MAP3K7CL: variants seen among roughly 807,000 people sequenced by gnomAD.
MAP3K7CL encodes the protein MAP3K7 C-terminal like, also known as MAP3K7 C-terminal-like protein.
MAP3K7CL carries 16 observed loss-of-function variants against 18.6 expected under a neutral mutation model. The ratio of observed to expected loss-of-function variants is 0.86; its 90% CI spans 0.58 to 1.31. The LOEUF (loss-of-function observed/expected upper bound fraction) is 1.31, where lower values mean the gene tolerates loss of function less well. Ranked by LOEUF, MAP3K7CL falls within the 50% of genes most tolerant of loss-of-function variation. The probability of loss-of-function intolerance (pLI) is 0.00; values close to 1 mark genes in which losing one functional copy is unlikely to be tolerated. For synonymous variants in MAP3K7CL, 65 were observed against 66.8 expected, an observed-to-expected ratio of 0.97 and a Z score of 0.13; for missense variants, 163 against 174.4, an observed-to-expected ratio of 0.93 and a Z score of 0.37.
intron 3 of MAP3K7CL, 90 bp from the exon 4 acceptor site, chr21:29,159,851 C>T: frequency 2.2e-6 from 2 of 922,096 alleles, no homozygotes; most frequent in Non-Finnish European, 3.4e-6. Context: ...GAAGAAAAAA[C>T]CTTCGTTTAA....
chr21:29,174,562 C>T (rs1489015392), intron 4 of MAP3K7CL, 150 bp from the exon 5 acceptor site: 4 of 945,532 alleles, frequency 4.2e-6, no homozygotes, highest in Non-Finnish European at 6.2e-6. Context: ...CAAAGCTGGA[C>T]AAATAAAAGT....
intron 2 of MAP3K7CL, among the ~76,000 whole-genome samples, chr21:29,133,819 G>A (rs1206479233): frequency 1.3e-5 from 2 of 152,218 alleles, no homozygotes; most frequent in Non-Finnish European, 2.9e-5. Context: ...TTGCTGAAGC[G>A]TAAGTTAGAA....
At chr21:29,154,956 G>A (rs2087364243) in intron 3 of MAP3K7CL, among the ~76,000 whole-genome samples, 1 of 152,096 alleles carries the variant, frequency 6.6e-6, no homozygotes, top group Admixed American at 6.5e-5. Context: ...CTACTCTTGT[G>A]TTCTTTCTCC....
intron 4 of MAP3K7CL, among the ~76,000 whole-genome samples, chr21:29,100,494 A>G (rs2146528320): frequency 6.6e-6 from 1 of 152,308 alleles, no homozygotes; most frequent in South Asian, 2.1e-4. Flanking sequence ...TTTAACTTCC[A>G]GTGCTGTCAT....
At chr21:29,132,426 T>C (rs1462884843) in intron 1 of MAP3K7CL, among the ~76,000 whole-genome samples, 1 of 152,208 alleles carries the variant, frequency 6.6e-6, no homozygotes, top group Non-Finnish European at 1.5e-5. Flanking sequence ...AAATGTTTGG[T>C]AGACTTACAG....
chr21:29,150,926 C>T (rs540107870), intron 3 of MAP3K7CL, among the ~76,000 whole-genome samples: 3 of 151,772 alleles, frequency 2.0e-5, no homozygotes, highest in Non-Finnish European at 2.9e-5. Context: ...TGTGCCACCA[C>T]GCCCGGATAA....
chr21:29,163,535 C>T lies in MAP3K7CL; in HGVS notation c.248+3479C>T, dbSNP rs932139944. On this transcript the variant is annotated intron_variant, in intron 4 of 4. Transcript: ENST00000399928. ...CAGTTCTTGGCATAGATTTCAAGAC[C>T]TCCCTGGGGATGCCTTGGAACCTCT... is the stretch of plus-strand genomic sequence containing the variant. 1.8e-4 allele frequency among the ~76,000 whole-genome samples: 27 copies of T among 152,174 alleles called. No individual in the cohort carries two copies. In the Middle Eastern group the frequency reaches 0.014, roughly 77 times the overall value.
At chr21:29,091,497 A>G in intron 1 of MAP3K7CL, 1 of 686,040 alleles carries the variant, frequency 1.5e-6, no homozygotes, top group African/African-American at 1.8e-5. Context: ...TTTTTTCAAT[A>G]CAGCCCCTTG....
intron 1 of MAP3K7CL, among the ~76,000 whole-genome samples, chr21:29,088,492 T>C (rs2085964807): frequency 6.6e-6 from 1 of 152,274 alleles, no homozygotes; most frequent in African/African-American, 2.4e-5. Context: ...TAAGTTATTT[T>C]ACACACTGCA....
Position 29,159,968 on chromosome 21 carries a change from G to A in MAP3K7CL, c.160G>A (p.Glu54Lys). ...CCTGCCGCCTTGTCATGACTCCGAG[G>A]AATCCATGGAGGTGTTCAAACAGCA... ...QPLPPCHDSE[E>K]SMEVFKQHCQ... The change falls in exon 4 of 5, where the codon GAA (glutamate) becomes AAA (lysine). Residue 54 changes from glutamate to lysine, a missense_variant. Transcript: ENST00000399928. 6.2e-7 allele frequency: 1 copy of A among 1,613,892 alleles called. No homozygotes were observed. Among genetic ancestry groups the A allele is most frequent in the Non-Finnish European group, 8.5e-7 (1 of 1,179,860 alleles).
intron 4 of MAP3K7CL, among the ~76,000 whole-genome samples, chr21:29,122,986 A>G (rs1276084829): frequency 6.6e-6 from 1 of 151,140 alleles, no homozygotes; most frequent in Non-Finnish European, 1.5e-5. Flanking sequence ...AAAAGATTAT[A>G]TATAGTTTTA....
intron 2 of MAP3K7CL, among the ~76,000 whole-genome samples, chr21:29,140,106 A>C (rs906794498): frequency 3.9e-5 from 6 of 152,156 alleles, no homozygotes; most frequent in African/African-American, 1.4e-4. Flanking sequence ...GACAACATTC[A>C]GTCACAAGTG....
chr21:29,155,373 A>G (rs1483605296), intron 3 of MAP3K7CL, among the ~76,000 whole-genome samples: 1 of 152,164 alleles, frequency 6.6e-6, no homozygotes, highest in African/African-American at 2.4e-5. Context: ...TTAAATTCTG[A>G]CATTTTTGAA....
intron 3 of MAP3K7CL, among the ~76,000 whole-genome samples, chr21:29,154,259 C>T (rs1207622068): frequency 6.6e-6 from 1 of 152,050 alleles, no homozygotes; most frequent in Non-Finnish European, 1.5e-5. Flanking sequence ...GAATGAAATA[C>T]TTAAGAATAA....
intron 4 of MAP3K7CL, among the ~76,000 whole-genome samples, chr21:29,112,849 G>A (rs2086442955): frequency 6.6e-6 from 1 of 150,426 alleles, no homozygotes; most frequent in Admixed American, 6.6e-5. Flanking sequence ...TTGAGATGGA[G>A]TCTCACTCTG....
At chr21:29,084,867 A>G (rs2085896986), upstream of MAP3K7CL, among the ~76,000 whole-genome samples, 1 of 152,260 alleles carries the variant, frequency 6.6e-6, no homozygotes, top group Admixed American at 6.5e-5. Flanking sequence ...GCAATTAGAA[A>G]TTAACTTTCT....
chr21:29,133,291 C>T lies in MAP3K7CL; in HGVS notation c.-39-15C>T, dbSNP rs1036268494. On this transcript the variant is annotated splice_polypyrimidine_tract_variant and intron_variant, in intron 1 of 4. Coordinates refer to ENST00000399928, the MANE Select transcript of MAP3K7CL (RefSeq NM_001286620.2). ...TGCTGGATAAAGTGACAATGGCTCT[C>T]TCTTGCTGTCACAGCTGGAAGACCC... 14 of 1,543,720 alleles carry T rather than the reference C, an allele frequency of 9.1e-6. No individual in the cohort carries two copies. Among genetic ancestry groups the T allele is most frequent in the Middle Eastern group, 1.7e-4 (1 of 5,996 alleles).
At chr21:29,095,566 T>G (rs931351526) in intron 4 of MAP3K7CL, among the ~76,000 whole-genome samples, 2 of 152,210 alleles carry the variant, frequency 1.3e-5, no homozygotes, top group African/African-American at 4.8e-5. Flanking sequence ...AACATCTGAT[T>G]CCTCAAAAGC....
intron 1 of MAP3K7CL, 23 bp from the exon 2 acceptor site, chr21:29,133,283 A>G (rs751566149): frequency 3.3e-6 from 5 of 1,529,664 alleles, no homozygotes; most frequent in East Asian, 4.9e-5. Context: ...TAAAGTGACA[A>G]TGGCTCTCTC....
Sources: gnomAD v4.1 joint callset for allele counts (sites outside exome capture counted in the v4.1 genomes callset) on GRCh38, gnomAD v4.1.1 for gene constraint, MANE v1.5 for transcripts, NCBI Gene and HGNC (gene_info 2026-07-23, HGNC 2026-07-21) for gene names.